Variants in PRELID3B observed in about 807,000 individuals in gnomAD.
PRELID3B encodes PRELI domain containing 3B.
Under a neutral mutation model 24.0 loss-of-function variants are expected in PRELID3B, and 15 were observed. The observed-to-expected ratio is 0.63, with a 90% CI of 0.42 to 0.96. PRELID3B has a LOEUF of 0.96. Ranked by LOEUF, PRELID3B falls within the 40% of genes least tolerant of loss-of-function variation. The pLI is 0.00. For missense variants in PRELID3B, 189 were observed against 236.0 expected (o/e 0.80, Z 1.30); for synonymous variants, 62 against 76.0 (o/e 0.82, Z 0.96).
At chr20:59,038,722 A>G (rs2146393605) in intron 1 of PRELID3B, 88 bp from the exon 2 acceptor site, 1 of 1,434,266 alleles carries the variant, frequency 7.0e-7, no homozygotes, top group East Asian at 2.4e-5. Flanking sequence ...AATCTATCAA[A>G]TCATTCATTA....
chr20:59,039,947 G>A (rs532457656), intron 1 of PRELID3B, among the ~76,000 whole-genome samples: 6 of 152,052 alleles, frequency 3.9e-5, no homozygotes, highest in South Asian at 2.1e-4. Flanking sequence ...GAAGTGTCCC[G>A]ACAAATCGAA....
chr20:59,036,551 T>C lies in PRELID3B; in HGVS notation c.385A>G (p.Ile129Val), dbSNP rs756157854. The C allele has an allele frequency of 8.7e-6, 14 of 1,614,036 alleles. No homozygotes were observed. In the Admixed American group the frequency reaches 1.5e-4, roughly 17 times the overall value. Reference protein sequence around the residue: ...PEKTVLTQEAIITVKGVSLSS... With the variant: ...PEKTVLTQEAVITVKGVSLSS... ...AGGCTAACTCCTTTCACGGTAATTA[T>C]GGCTTCTTGTGTCAAAACAGTTCTG... Residue 129 changes from isoleucine to valine, a missense_variant, in exon 5 of 6, where the codon ATA becomes GTA. Transcript: ENST00000355937.
intron 1 of PRELID3B, 39 bp from the exon 2 acceptor site, chr20:59,038,673 G>T: frequency 2.1e-6 from 3 of 1,449,404 alleles, no homozygotes; most frequent in East Asian, 2.3e-5. Flanking sequence ...AAAAAATTCA[G>T]ACATTTAAAA....
At position 59,038,303 on chromosome 20, in the gene PRELID3B, C is replaced by G. The variant is rs545319770; in HGVS notation, c.201+163G>C. 2.0e-5 allele frequency: 11 copies of G among 543,752 alleles called. No individual in the cohort carries two copies. In the African/African-American group the frequency reaches 2.1e-4, roughly 10 times the overall value. 33.7% of individuals were successfully genotyped at this position (543,752 alleles called of 1,614,324 possible). ...TTCATGAAGACTGTAATAATATTTCCAATTCATTATACACTCATAATTCAA... is the reference window on the plus strand; with the variant it reads ...TTCATGAAGACTGTAATAATATTTCGAATTCATTATACACTCATAATTCAA... On this transcript the variant is annotated intron_variant, in intron 2 of 5. Coordinates refer to ENST00000355937, the MANE Select transcript of PRELID3B (RefSeq NM_016045.3).
At position 59,038,607 on chromosome 20, in the gene PRELID3B, A is replaced by G; in HGVS notation, c.60T>C (p.Ala20=). The change falls in exon 2 of 6, where the codon GCT becomes GCC. Residue 20 remains alanine (A), a synonymous_variant. Transcript: ENST00000355937. ...TAGGGTTTGGGTATTTCTGCATTGC[A>G]GCTGTTGTAACAGTTTCCCACGGGT... is the stretch of plus-strand genomic sequence containing the variant. ...FDHPWETVTT[A]AMQKYPNPMN... is the part of the protein sequence containing the mutation. 6.2e-7 allele frequency: 1 copy of G among 1,611,632 alleles called. No homozygotes were observed. Among genetic ancestry groups the G allele is most frequent in the Non-Finnish European group, 8.5e-7 (1 of 1,179,174 alleles).
At position 59,034,853 on chromosome 20, in the gene PRELID3B, T is replaced by C. The variant is rs2092058662; in HGVS notation, c.*154A>G. The stretch of plus-strand genomic sequence containing the variant: ...CCCTTTTATTTAGAGGCCCTGCATC[T>C]GTTTTGATCAAGTCACATAGCCTTA... On this transcript the variant is annotated 3_prime_UTR_variant, in exon 6 of 6. Transcript: ENST00000355937. The C allele has an allele frequency of 9.4e-6, 5 of 532,152 alleles. No individual in the cohort carries two copies. The highest frequency in any genetic ancestry group is 1.5e-5 in the Non-Finnish European group (5 of 333,636). 33.0% of individuals were successfully genotyped at this position (532,152 alleles called of 1,614,324 possible). A position where few individuals can be genotyped will look rare whatever the true frequency, so the allele number is the denominator to read the frequency against.
chr20:59,041,054 AG>A (rs2146395606), intron 1 of PRELID3B, among the ~76,000 whole-genome samples: 1 of 152,292 alleles, frequency 6.6e-6, no homozygotes, highest in East Asian at 1.9e-4. Flanking sequence ...AGGCAGAAAG[AG>A]TGTAGAGGGA....
rs946588376 is a variant in PRELID3B, at chr20:59,040,707, G to A, written c.32+1992C>T. Reference sequence around the variant, plus strand: ...AGATGATGACTTCAATTTCAGACAGGCTGAGTTTTAAGGGCCTGTGGGACA... The same window carrying A: ...AGATGATGACTTCAATTTCAGACAGACTGAGTTTTAAGGGCCTGTGGGACA... On this transcript the variant is annotated intron_variant, in intron 1 of 5. Coordinates refer to ENST00000355937, the MANE Select transcript of PRELID3B (RefSeq NM_016045.3). The surrounding 1 kb of genome is among the most constrained non-coding windows in gnomAD (Gnocchi z 4.1). 5.3e-5 allele frequency among the ~76,000 whole-genome samples: 8 copies of A among 152,186 alleles called. No individual in the cohort carries two copies. Among genetic ancestry groups the A allele is most frequent in the African/African-American group, 1.9e-4 (8 of 41,450 alleles).
chr20:59,040,360 G>A lies in PRELID3B; in HGVS notation c.33-1726C>T, dbSNP rs751511461. ...AAAGACCACGCCAAAGTAGAATCAG[G>A]AGGACCTGGCTATGGCTCACTGACC... On this transcript the variant is annotated intron_variant, in intron 1 of 5. Transcript: ENST00000355937. The surrounding 1 kb of genome is among the most constrained non-coding windows in gnomAD (Gnocchi z 4.1). 2.0e-5 allele frequency among the ~76,000 whole-genome samples: 3 copies of A among 152,216 alleles called. No individual in the cohort carries two copies. The highest frequency in any genetic ancestry group is 4.4e-5 in the Non-Finnish European group (3 of 68,038).
At chr20:59,035,791 T>C (rs1232425992) in intron 5 of PRELID3B, among the ~76,000 whole-genome samples, 1 of 152,196 alleles carries the variant, frequency 6.6e-6, no homozygotes, top group African/African-American at 2.4e-5. Context: ...CCACATTTGT[T>C]TTGCTCCCTG....
At position 59,040,431 on chromosome 20, in the gene PRELID3B, T is replaced by C. The variant is rs2092102634; in HGVS notation, c.33-1797A>G. ...GAAACGAGGTGAGGACATTATTAACTCCACTGGCGCAGCATCGAGGTCTTG... is the reference window on the plus strand; with the variant it reads ...GAAACGAGGTGAGGACATTATTAACCCCACTGGCGCAGCATCGAGGTCTTG... On this transcript the variant is annotated intron_variant, in intron 1 of 5. Coordinates refer to ENST00000355937, the MANE Select transcript of PRELID3B (RefSeq NM_016045.3). This position sits in a 1 kb window ranked among gnomAD's most constrained non-coding sequence, Gnocchi z 4.1. 6.6e-6 allele frequency among the ~76,000 whole-genome samples: 1 copy of C among 152,194 alleles called. No homozygotes were observed. Among genetic ancestry groups the C allele is most frequent in the Admixed American group, 6.5e-5 (1 of 15,278 alleles).
Position 59,036,508 on chromosome 20 carries a change from C to T in PRELID3B, c.428G>A (p.Gly143Glu). Residue 143 changes from glycine to glutamate, a missense_variant, in exon 5 of 6, where the codon GGA (glycine) becomes GAA (glutamate). Gly to Glu is a moderately conservative substitution (Grantham distance 98). Coordinates refer to ENST00000355937, the MANE Select transcript of PRELID3B (RefSeq NM_016045.3). ...TGAGGATATCGTACTTGCCATCAGT[C>T]CTTCAAGGTAACTGCTGAGGCTAAC... ...KGVSLSSYLE[G>E]LMASTISSNA... 2.5e-6 allele frequency: 4 copies of T among 1,614,064 alleles called. No individual in the cohort carries two copies. Among genetic ancestry groups the T allele is most frequent in the Non-Finnish European group, 2.5e-6 (3 of 1,179,958 alleles).
At chr20:59,037,548 C>T (rs1193502632) in intron 2 of PRELID3B, among the ~76,000 whole-genome samples, 2 of 152,226 alleles carry the variant, frequency 1.3e-5, no homozygotes, top group Non-Finnish European at 2.9e-5. Flanking sequence ...CACGCTGAAT[C>T]TGCCGCGGTG....
At chr20:59,042,259 G>A (rs1226419633) in intron 1 of PRELID3B, among the ~76,000 whole-genome samples, 1 of 152,238 alleles carries the variant, frequency 6.6e-6, no homozygotes, top group African/African-American at 2.4e-5. Flanking sequence ...CCAAACGGCG[G>A]CCAGGGAAAG....
chr20:59,039,632 G>A (rs941334518), intron 1 of PRELID3B, among the ~76,000 whole-genome samples: 5 of 152,288 alleles, frequency 3.3e-5, no homozygotes, highest in African/African-American at 7.2e-5. Flanking sequence ...TGGGGATGAT[G>A]TTCAAGCCAC....
chr20:59,041,724 G>A (rs1204292615), intron 1 of PRELID3B, among the ~76,000 whole-genome samples: 3 of 152,146 alleles, frequency 2.0e-5, no homozygotes, highest in African/African-American at 7.2e-5. Flanking sequence ...AACAGAGCGA[G>A]ACTCTGCCTC....
intron 5 of PRELID3B, among the ~76,000 whole-genome samples, chr20:59,035,833 T>C (rs2092068018): frequency 6.6e-6 from 1 of 152,254 alleles, no homozygotes; most frequent in Non-Finnish European, 1.5e-5. Flanking sequence ...GCACTCTGCA[T>C]GGCACAGAGA....
Position 59,040,617 on chromosome 20 carries a change from T to C in PRELID3B, c.33-1983A>G, listed in dbSNP as rs1372667604. ...CAAAGACAGATAAGATGTAGAATGA[T>C]GACTTAGACATTGTTAGAGAGTGAC... On this transcript the variant is annotated intron_variant, in intron 1 of 5. Transcript: ENST00000355937. This position sits in a 1 kb window ranked among gnomAD's most constrained non-coding sequence, Gnocchi z 4.1. Among the ~76,000 whole-genome samples the C allele has an allele frequency of 1.3e-5, 2 of 152,248 alleles. No individual in the cohort carries two copies. Among genetic ancestry groups the C allele is most frequent in the African/African-American group, 4.8e-5 (2 of 41,460 alleles).
chr20:59,036,538 T>G lies in PRELID3B; in HGVS notation c.398A>C (p.Lys133Thr). The G allele has an allele frequency of 6.2e-7, 1 of 1,614,226 alleles. No homozygotes were observed. The highest frequency in any genetic ancestry group is 8.5e-7 in the Non-Finnish European group (1 of 1,180,024). The change falls in exon 5 of 6, where the codon AAA (lysine) becomes ACA (threonine). Residue 133 changes from lysine to threonine, a missense_variant. Physicochemically the swap from Lys to Thr is moderately conservative, Grantham distance 78. Transcript: ENST00000355937. ...VLTQEAIITV[K>T]GVSLSSYLEG... The stretch of plus-strand genomic sequence containing the variant: ...AAGGTAACTGCTGAGGCTAACTCCT[T>G]TCACGGTAATTATGGCTTCTTGTGT...
Sources: allele counts gnomAD v4.1 joint callset (sites outside exome capture counted in the v4.1 genomes callset), GRCh38; gene constraint gnomAD v4.1.1; non-coding constraint Gnocchi (gnomAD v3.1); transcripts MANE v1.5; gene names NCBI Gene and HGNC (gene_info 2026-07-23, HGNC 2026-07-21).